TTC6: variants seen among roughly 807,000 people sequenced by gnomAD.
The protein encoded by TTC6 is tetratricopeptide repeat domain 6.
A neutral mutation model predicts 210.4 loss-of-function variants in TTC6; 172 were observed. That is an observed-to-expected ratio of 0.82 (90% confidence interval 0.72 to 0.93). TTC6 has a LOEUF of 0.93. Among genes scored for constraint, TTC6 ranks in the 40% least tolerant of loss-of-function variants. The pLI, the probability that TTC6 is intolerant of heterozygous loss-of-function variation, is 0.00. For synonymous variants in TTC6, 804 were observed against 819.6 expected (o/e 0.98, Z 0.32); for missense variants, 2,414 against 2,318.1 (o/e 1.04, Z -0.85).
At chr14:37,760,418 T>C (rs1026180366) in intron 14 of TTC6, among the ~76,000 whole-genome samples, 1 of 152,156 alleles carries the variant, frequency 6.6e-6, no homozygotes, top group African/African-American at 2.4e-5. Flanking sequence ...AGAGCTCTCC[T>C]GTATGAGGTG....
At chr14:37,801,682 A>G (rs1056188562) in intron 20 of TTC6, among the ~76,000 whole-genome samples, 17 of 152,200 alleles carry the variant, frequency 1.1e-4, no homozygotes, top group African/African-American at 2.4e-5. Context: ...TGCAGCCAAC[A>G]GCCAGCAAGC....
intron 2 of TTC6, among the ~76,000 whole-genome samples, chr14:37,608,335 G>C (rs1013067882): frequency 6.6e-6 from 1 of 151,780 alleles, no homozygotes; most frequent in Non-Finnish European, 1.5e-5. Context: ...TTTGAGACAG[G>C]ATCTCATTGT....
rs577106273 is a variant in TTC6 at position 37,831,713 on chromosome 14, A to AT, written c.5298+4354dup. Among the ~76,000 whole-genome samples the AT allele has an allele frequency of 1.7e-3, 260 of 151,656 alleles. 3 individuals carry two copies. Among genetic ancestry groups the AT allele is most frequent in the Middle Eastern group, 6.9e-3 (2 of 290 alleles). ...TCTCTGATGGTTAGTGATGTTCAAC[A>AT]TTTTTTTATAGATCTGTTGGCCGTC... On this transcript the variant is annotated intron_variant, in intron 29 of 30. Coordinates refer to ENST00000553443, the Ensembl canonical transcript of TTC6.
At chr14:37,725,340 A>G (rs1475117773) in intron 7 of TTC6, among the ~76,000 whole-genome samples, 2 of 103,048 alleles carry the variant, frequency 1.9e-5, no homozygotes, top group South Asian at 3.2e-4. Flanking sequence ...ATATATATAT[A>G]TATATATATA....
intron 3 of TTC6, among the ~76,000 whole-genome samples, chr14:37,693,781 C>G (rs769340537): frequency 6.6e-6 from 1 of 151,824 alleles, no homozygotes; most frequent in Non-Finnish European, 1.5e-5. Context: ...CAGTACACAC[C>G]TACAGTAAAC....
At chr14:37,714,666 G>A in exon 6 of TTC6, 1 of 1,535,000 alleles carries the variant, frequency 6.5e-7, no homozygotes, top group South Asian at 1.2e-5. Context: ...ATATTGTATG[G>A]AATTCCTGTT....
At chr14:37,649,095 A>T (rs1448376919) in intron 1 of TTC6, among the ~76,000 whole-genome samples, 1 of 152,084 alleles carries the variant, frequency 6.6e-6, no homozygotes. Context: ...TGGTCCACTT[A>T]GGTCTTCCCA....
At chr14:37,714,945 T>G (rs1238216968) in intron 6 of TTC6, 149 bp downstream of exon 8, 12 of 703,372 alleles carry the variant, frequency 1.7e-5, no homozygotes, top group Non-Finnish European at 2.2e-5. Flanking sequence ...TGGGAGGACA[T>G]GGCGAGAGGA....
rs570709505 is a variant in TTC6 at position 37,688,977 on chromosome 14, A to G, written c.1257+6013A>G. The stretch of plus-strand genomic sequence containing the variant: ...ACCAAATGAACTAAATAAGGCACCA[A>G]GGGCCAACCCTGAGAGAAATAGAGA... On this transcript the variant is annotated intron_variant, in intron 3 of 30. Coordinates refer to ENST00000553443, the Ensembl canonical transcript of TTC6. 8.9e-4 allele frequency among the ~76,000 whole-genome samples: 135 copies of G among 152,306 alleles called. 1 individual carries two copies. Among genetic ancestry groups the G allele is most frequent in the African/African-American group, 3.2e-3 (131 of 41,576 alleles).
At chr14:37,646,340 A>G (rs1411288601) in intron 1 of TTC6, among the ~76,000 whole-genome samples, 3 of 152,002 alleles carry the variant, frequency 2.0e-5, no homozygotes, top group Admixed American at 2.0e-4. Context: ...AAACCAAACC[A>G]AACCAAACCA....
At chr14:37,705,573 T>C (rs141957174) in intron 5 of TTC6, among the ~76,000 whole-genome samples, 204 of 152,266 alleles carry the variant, frequency 1.3e-3, no homozygotes, top group African/African-American at 4.7e-3. Flanking sequence ...GTAAACATCT[T>C]TCCATGTCAA....
intron 14 of TTC6, among the ~76,000 whole-genome samples, chr14:37,760,458 C>T (rs1360662063): frequency 6.6e-6 from 1 of 152,158 alleles, no homozygotes; most frequent in East Asian, 1.9e-4. Flanking sequence ...AGGTCTCTCC[C>T]AGAAAGGAGG....
At chr14:37,734,444 T>TA (rs1383684951) in intron 7 of TTC6, among the ~76,000 whole-genome samples, 1 of 152,214 alleles carries the variant, frequency 6.6e-6, no homozygotes, top group African/African-American at 2.4e-5. Flanking sequence ...CATCTTTGAA[T>TA]AGTAGGCTTA....
chr14:37,692,208 CAAAAAAAAAAAA>C (rs3062759), intron 3 of TTC6, among the ~76,000 whole-genome samples: 2 of 40,154 alleles, frequency 5.0e-5, no homozygotes, highest in African/African-American at 2.5e-4. Flanking sequence ...AAAGACACAC[CAAAAAAAAAAAA>C]AAAAAAAAAA....
At chr14:37,821,418 T>G (rs1297746370) in intron 26 of TTC6, among the ~76,000 whole-genome samples, 1 of 152,120 alleles carries the variant, frequency 6.6e-6, no homozygotes, top group Non-Finnish European at 1.5e-5. Flanking sequence ...AGAGCACAAT[T>G]TCATTGTATA....
chr14:37,659,737 T>C (rs1270785938), intron 1 of TTC6, among the ~76,000 whole-genome samples: 1 of 152,160 alleles, frequency 6.6e-6, no homozygotes, highest in Non-Finnish European at 1.5e-5. Flanking sequence ...GTCAGGCTGG[T>C]CTCGAACTCC....
intron 14 of TTC6, among the ~76,000 whole-genome samples, chr14:37,761,247 G>C (rs902146262): frequency 1.3e-5 from 2 of 151,892 alleles, no homozygotes; most frequent in African/African-American, 4.8e-5. Flanking sequence ...CCTTGGTTGG[G>C]GAGGGAGGTC....
intron 14 of TTC6, among the ~76,000 whole-genome samples, chr14:37,758,011 G>C (rs2095973125): frequency 6.6e-6 from 1 of 152,136 alleles, no homozygotes; most frequent in African/African-American, 2.4e-5. Flanking sequence ...TCTTAATCCT[G>C]AGTTCTAATT....
At position 37,677,435 on chromosome 14, in the gene TTC6, GTTTT is replaced by G. The variant is rs527391997; in HGVS notation, c.940-2711_940-2708del. Among the ~76,000 whole-genome samples the G allele has an allele frequency of 4.2e-3, 642 of 151,686 alleles. 1 individual carries two copies. The highest frequency in any genetic ancestry group is 6.8e-3 in the Non-Finnish European group (461 of 67,858). On this transcript the variant is annotated intron_variant, in intron 1 of 30. Coordinates refer to ENST00000553443, the Ensembl canonical transcript of TTC6. ...TGAATTAGTTTATTAGCTCTAGTAG[GTTTT>G]TTTTGTATTCTTTCTGATTTTCTGT... is the stretch of plus-strand genomic sequence containing the variant.
Sources: gnomAD v4.1 joint callset for allele counts (sites outside exome capture counted in the v4.1 genomes callset) on GRCh38, gnomAD v4.1.1 for gene constraint, MANE v1.5 for transcripts, NCBI Gene and HGNC (gene_info 2026-07-23, HGNC 2026-07-21) for gene names.